SHANK2: variants seen among roughly 807,000 people sequenced by gnomAD.
SHANK2 encodes SH3 and multiple ankyrin repeat domains protein 2.
A neutral mutation model predicts 133.7 loss-of-function variants in SHANK2; 43 were observed. The ratio of observed to expected loss-of-function variants is 0.32; its 90% CI spans 0.25 to 0.41. The LOEUF (loss-of-function observed/expected upper bound fraction) is 0.41. Among genes scored for constraint, SHANK2 ranks in the 10% least tolerant of loss-of-function variants. The pLI, the probability that SHANK2 is intolerant of heterozygous loss-of-function variation, is 1.00. For missense variants in SHANK2, 1,994 were observed against 2,235.8 expected, an observed-to-expected ratio of 0.89 and a Z score of 2.18; for synonymous variants, 1,017 against 952.8, an observed-to-expected ratio of 1.07 and a Z score of -1.24.
At chr11:70,950,709 G>C (rs1950821127) in intron 10 of SHANK2, among the ~76,000 whole-genome samples, 1 of 152,168 alleles carries the variant, frequency 6.6e-6, no homozygotes, top group Non-Finnish European at 1.5e-5. Flanking sequence ...TCAGGTTCAA[G>C]TGATTCTCAT....
chr11:70,565,205 G>A (rs2059952959), intron 17 of SHANK2, among the ~76,000 whole-genome samples: 1 of 139,104 alleles, frequency 7.2e-6, no homozygotes, highest in Admixed American at 7.6e-5. Flanking sequence ...TAAGTCACCT[G>A]GAAGCAGTTT....
At chr11:70,621,055 C>T (rs142359069) in intron 17 of SHANK2, among the ~76,000 whole-genome samples, 1 of 152,332 alleles carries the variant, frequency 6.6e-6, no homozygotes, top group East Asian at 1.9e-4. Flanking sequence ...ATGGTAACAG[C>T]ACCTGCCTCA....
At chr11:70,550,389 G>A (rs1554977624) in intron 17 of SHANK2, among the ~76,000 whole-genome samples, 3 of 152,194 alleles carry the variant, frequency 2.0e-5, no homozygotes. Flanking sequence ...CCTGCTGCAT[G>A]CGTACCCCCA....
intron 11 of SHANK2, among the ~76,000 whole-genome samples, chr11:70,868,094 C>T (rs1275259381): frequency 6.6e-6 from 1 of 152,270 alleles, no homozygotes; most frequent in African/African-American, 2.4e-5. Flanking sequence ...GTCTAAACTC[C>T]TTAGCATTTG....
chr11:70,864,107 G>C (rs914802978), intron 11 of SHANK2: 2 of 288,902 alleles, frequency 6.9e-6, no homozygotes, highest in Non-Finnish European at 1.4e-5. Context: ...CACACACCTT[G>C]CTTTCTTCCT....
rs537108235 is a variant in SHANK2 at position 70,476,066 on chromosome 11, T to TA, written c.4980-2628dup. ...GTGAAACCCCATCTCTACTAAAAAT[T>TA]AAAAAAAAAAAAATTAGCTGAGTGT... On this transcript the variant is annotated intron_variant, in intron 25 of 25. Coordinates refer to ENST00000601538, the MANE Select transcript of SHANK2 (RefSeq NM_012309.5). Among the ~76,000 whole-genome samples, 226 of 144,120 alleles carry TA rather than the reference T, an allele frequency of 1.6e-3. 2 individuals carry two copies. The highest frequency in any genetic ancestry group is 0.015 in the South Asian group (69 of 4,510). The allele number at this position is 144,120 out of a possible 152,430, so 94.5% of individuals were successfully genotyped here.
At chr11:71,198,721 G>A (rs1165701428) in intron 2 of SHANK2, among the ~76,000 whole-genome samples, 2 of 152,180 alleles carry the variant, frequency 1.3e-5, no homozygotes, top group African/African-American at 2.4e-5. Context: ...CAGATGTACT[G>A]GAGGTTCAAA....
chr11:71,065,584 C>A (rs1197988006), intron 9 of SHANK2, among the ~76,000 whole-genome samples: 2 of 112,532 alleles, frequency 1.8e-5, no homozygotes, highest in Non-Finnish European at 3.5e-5. Flanking sequence ...CAGAACTCTT[C>A]CAGAGAGATG....
chr11:71,065,581 C>A (rs1458736105), intron 9 of SHANK2, among the ~76,000 whole-genome samples: 4 of 124,428 alleles, frequency 3.2e-5, no homozygotes, highest in Non-Finnish European at 1.6e-5. Context: ...GTGCAGAACT[C>A]TTCCAGAGAG....
intron 15 of SHANK2, among the ~76,000 whole-genome samples, chr11:70,697,534 G>A (rs1195693776): frequency 1.3e-5 from 2 of 152,242 alleles, no homozygotes; most frequent in Non-Finnish European, 2.9e-5. Context: ...TTTGGAAGCA[G>A]ATAGTGGTGA....
intron 17 of SHANK2, among the ~76,000 whole-genome samples, chr11:70,583,952 C>A (rs1554986097): frequency 6.6e-6 from 1 of 152,352 alleles, no homozygotes; most frequent in East Asian, 1.9e-4. Flanking sequence ...CTCAGCCCAG[C>A]TGCACAGCCC....
intron 17 of SHANK2, among the ~76,000 whole-genome samples, chr11:70,625,770 G>C (rs949195165): frequency 2.8e-5 from 4 of 143,004 alleles, no homozygotes; most frequent in African/African-American, 1.1e-4. Context: ...CCAAGCTGGG[G>C]GAAATCTCAG....
In SHANK2 at chr11:70,882,771, T is replaced by C. The variant is rs1949677075; in HGVS notation, c.1174+13730A>G. Among the ~76,000 whole-genome samples the C allele has an allele frequency of 6.6e-6, 1 of 152,158 alleles. No individual in the cohort carries two copies. Among genetic ancestry groups the C allele is most frequent in the Non-Finnish European group, 1.5e-5 (1 of 68,032 alleles). ...GGAAAGGCCACCTCTGTGCCATCTGTCCACGCTGGCCCAGCATCTGCGAGC... is the reference window on the plus strand; with the variant it reads ...GGAAAGGCCACCTCTGTGCCATCTGCCCACGCTGGCCCAGCATCTGCGAGC... On this transcript the variant is annotated intron_variant, in intron 11 of 25. Coordinates refer to ENST00000601538, the MANE Select transcript of SHANK2 (RefSeq NM_012309.5). The surrounding 1 kb of genome is among the most constrained non-coding windows in gnomAD (Gnocchi z 4.2).
At chr11:71,062,497 G>A (rs1950999667) in intron 9 of SHANK2, among the ~76,000 whole-genome samples, 2 of 152,086 alleles carry the variant, frequency 1.3e-5, no homozygotes, top group Admixed American at 1.3e-4. Context: ...GCTGGCCCCT[G>A]GGGGTCTTGC....
intron 2 of SHANK2, among the ~76,000 whole-genome samples, chr11:71,181,357 G>A (rs538970594): frequency 1.3e-5 from 2 of 152,218 alleles, no homozygotes; most frequent in African/African-American, 2.4e-5. Flanking sequence ...ATGACAGCTG[G>A]GCACGGTGAC....
chr11:70,581,803 A>C (rs189772968), intron 17 of SHANK2, among the ~76,000 whole-genome samples: 76 of 152,308 alleles, frequency 5.0e-4, no homozygotes, highest in African/African-American at 1.5e-3. Flanking sequence ...CTGGAACTGG[A>C]GGAACTCACC....
intron 14 of SHANK2, among the ~76,000 whole-genome samples, chr11:70,723,037 C>T (rs1555029599): frequency 6.6e-6 from 1 of 152,158 alleles, no homozygotes; most frequent in African/African-American, 2.4e-5. Context: ...GACTTTTTTA[C>T]AAAGCACCGT....
At chr11:70,939,335 G>A (rs1487669175) in intron 10 of SHANK2, among the ~76,000 whole-genome samples, 3 of 152,098 alleles carry the variant, frequency 2.0e-5, no homozygotes, top group African/African-American at 7.2e-5. Context: ...ATAATTAGCT[G>A]GGTGTGGTGG....
chr11:71,245,743 G>A (rs1398301929), intron 1 of SHANK2, among the ~76,000 whole-genome samples: 3 of 152,244 alleles, frequency 2.0e-5, no homozygotes, highest in East Asian at 1.9e-4. Flanking sequence ...GGGCAGTAGC[G>A]ACGCCATCGG....
Sources: gnomAD v4.1 joint callset for allele counts (sites outside exome capture counted in the v4.1 genomes callset) on GRCh38, gnomAD v4.1.1 for gene constraint, Gnocchi (gnomAD v3.1) non-coding constraint, MANE v1.5 for transcripts, NCBI Gene and HGNC (gene_info 2026-07-23, HGNC 2026-07-21) for gene names.